The following CSMD1 variants were observed in gnomAD, a reference collection of about 807,000 sequenced individuals.
CSMD1 encodes the protein CUB and sushi domain-containing protein 1.
A neutral mutation model predicts 417.5 loss-of-function variants in CSMD1; 213 were observed. The observed-to-expected ratio is 0.51, with a 90% CI of 0.46 to 0.57. The LOEUF (loss-of-function observed/expected upper bound fraction) is 0.57, where lower values mean the gene tolerates loss of function less well. Among genes scored for constraint, CSMD1 ranks in the 20% least tolerant of loss-of-function variants. CSMD1 has a pLI of 0.00. For missense variants in CSMD1, 6,923 were observed against 4,529.7 expected (o/e 1.53, Z -15.17); for synonymous variants, 2,862 against 1,736.8 (o/e 1.65, Z -16.11).
intron 5 of CSMD1, among the ~76,000 whole-genome samples, chr8:3,934,574 G>C (rs112288651): frequency 1.3e-5 from 2 of 152,068 alleles, no homozygotes; most frequent in Admixed American, 6.6e-5. Context: ...GGTATATTTG[G>C]CCAGGCGCGG....
chr8:3,323,787 C>A (rs796524719), intron 23 of CSMD1, among the ~76,000 whole-genome samples: 1 of 130,926 alleles, frequency 7.6e-6, no homozygotes, highest in African/African-American at 2.8e-5. Context: ...GGCCCACATC[C>A]AACCCCAGAG....
chr8:4,651,098 A>C (rs766268763), intron 1 of CSMD1, among the ~76,000 whole-genome samples: 12 of 152,200 alleles, frequency 7.9e-5, no homozygotes, highest in Non-Finnish European at 1.5e-4. Flanking sequence ...ATATAACATG[A>C]TGCCAAGCGA....
At chr8:3,872,732 C>G (rs2129113908) in intron 5 of CSMD1, among the ~76,000 whole-genome samples, 1 of 151,634 alleles carries the variant, frequency 6.6e-6, no homozygotes. Flanking sequence ...ACAGAGTGAA[C>G]AGATAACCTT....
At chr8:4,943,789 G>GA (rs575199812) in intron 1 of CSMD1, among the ~76,000 whole-genome samples, 397 of 152,174 alleles carry the variant, frequency 2.6e-3, no homozygotes, top group Non-Finnish European at 4.6e-3. Context: ...TTGCATGTTA[G>GA]AAAAAATCCC....
At chr8:4,794,138 C>G (rs1207143816) in intron 1 of CSMD1, among the ~76,000 whole-genome samples, 1 of 152,122 alleles carries the variant, frequency 6.6e-6, no homozygotes, top group Non-Finnish European at 1.5e-5. Flanking sequence ...GCTTTATTCT[C>G]TAATAGACAG....
chr8:4,832,667 T>C (rs1800223700), intron 1 of CSMD1, among the ~76,000 whole-genome samples: 2 of 152,228 alleles, frequency 1.3e-5, no homozygotes, highest in African/African-American at 4.8e-5. Flanking sequence ...TATTCTCATA[T>C]TTCTCACAAA....
chr8:3,089,585 G>A (rs941135914), intron 48 of CSMD1, among the ~76,000 whole-genome samples: 2 of 152,132 alleles, frequency 1.3e-5, no homozygotes, highest in African/African-American at 2.4e-5. Context: ...AGTTCCCTTG[G>A]CCACATGTTA....
intron 3 of CSMD1, among the ~76,000 whole-genome samples, chr8:4,288,716 C>A (rs563853664): frequency 2.6e-5 from 4 of 152,254 alleles, no homozygotes; most frequent in East Asian, 3.9e-4. Flanking sequence ...GATTTTTAAG[C>A]AAATCTATGA....
intron 1 of CSMD1, among the ~76,000 whole-genome samples, chr8:4,664,516 A>T (rs1460642071): frequency 6.6e-6 from 1 of 152,202 alleles, no homozygotes; most frequent in Non-Finnish European, 1.5e-5. Flanking sequence ...AGCCGTGATC[A>T]TACCACTGCA....
At chr8:3,692,681 C>A (rs1023857349) in intron 7 of CSMD1, among the ~76,000 whole-genome samples, 1 of 152,110 alleles carries the variant, frequency 6.6e-6, no homozygotes, top group Non-Finnish European at 1.5e-5. Flanking sequence ...GATCTGCCTG[C>A]CTCGGCCTCC....
At chr8:4,088,945 T>C (rs183399906) in intron 3 of CSMD1, among the ~76,000 whole-genome samples, 3 of 152,344 alleles carry the variant, frequency 2.0e-5, no homozygotes, top group Non-Finnish European at 2.9e-5. Flanking sequence ...AGGTCTTTCC[T>C]GAATTCCACG....
At chr8:3,112,056 A>T (rs1251578916) in intron 42 of CSMD1, among the ~76,000 whole-genome samples, 1 of 151,944 alleles carries the variant, frequency 6.6e-6, no homozygotes, top group Non-Finnish European at 1.5e-5. Flanking sequence ...CTAGAGGTCC[A>T]GGCTCTGCTC....
chr8:4,525,919 A>G (rs1214479411), intron 2 of CSMD1, among the ~76,000 whole-genome samples: 1 of 151,988 alleles, frequency 6.6e-6, no homozygotes, highest in Non-Finnish European at 1.5e-5. Flanking sequence ...CTTAGTAACC[A>G]CCTGAGACCA....
rs138157677 is a variant in CSMD1 at position 4,735,074 on chromosome 8, C to T, written c.86-97516G>A. On this transcript the variant is annotated intron_variant, in intron 1 of 69. Coordinates refer to ENST00000635120, the MANE Select transcript of CSMD1 (RefSeq NM_033225.6). Reference sequence around the variant, plus strand: ...AGTTCAGTAGAAGCAAATTGCTGCTCGTTAAAATTTGGGAAAGTTTCCGCA... The same window carrying T: ...AGTTCAGTAGAAGCAAATTGCTGCTTGTTAAAATTTGGGAAAGTTTCCGCA... Among the ~76,000 whole-genome samples, 245 of 152,228 alleles carry T rather than the reference C, an allele frequency of 1.6e-3. 1 individual carries two copies. The highest frequency in any genetic ancestry group is 5.7e-3 in the African/African-American group (236 of 41,534).
At chr8:4,918,509 G>C (rs1304530173) in intron 1 of CSMD1, among the ~76,000 whole-genome samples, 1 of 151,622 alleles carries the variant, frequency 6.6e-6, no homozygotes, top group Non-Finnish European at 1.5e-5. Context: ...ATATTTATTA[G>C]AAAAAGGACA....
At chr8:3,468,584 C>T (rs1030353431) in intron 12 of CSMD1, 128 bp downstream of exon 12, 6 of 595,126 alleles carry the variant, frequency 1.0e-5, no homozygotes, top group Admixed American at 3.1e-5. Flanking sequence ...AGGAAGTTCC[C>T]GTCATGATTC....
intron 18 of CSMD1, among the ~76,000 whole-genome samples, chr8:3,369,585 G>C (rs17065977): frequency 6.6e-6 from 1 of 152,008 alleles, no homozygotes; most frequent in Non-Finnish European, 1.5e-5. Context: ...CCTTGACAAC[G>C]TAACACAGAA....
chr8:3,146,467 G>A (rs529116933), intron 40 of CSMD1, among the ~76,000 whole-genome samples: 1 of 151,778 alleles, frequency 6.6e-6, no homozygotes, highest in Non-Finnish European at 1.5e-5. Flanking sequence ...TAGCCCTATG[G>A]GACTGATATA....
intron 4 of CSMD1, among the ~76,000 whole-genome samples, chr8:4,014,027 G>T (rs984252992): frequency 6.6e-6 from 1 of 152,048 alleles, no homozygotes; most frequent in African/African-American, 2.4e-5. Context: ...AAGGACATAC[G>T]GAGAAATATT....
Sources: allele counts gnomAD v4.1 joint callset (sites outside exome capture counted in the v4.1 genomes callset), GRCh38; gene constraint gnomAD v4.1.1; transcripts MANE v1.5; gene names NCBI Gene and HGNC (gene_info 2026-07-23, HGNC 2026-07-21).